The following CD80 variants were observed in gnomAD, a reference collection of about 807,000 sequenced individuals.
CD80 encodes T-lymphocyte activation antigen CD80.
CD80 carries 13 observed loss-of-function variants against 27.1 expected under a neutral mutation model. The observed-to-expected ratio is 0.48, with a 90% CI of 0.31 to 0.76. The LOEUF is 0.76. Ranked by LOEUF, CD80 falls within the 30% of genes least tolerant of loss-of-function variation. The pLI, the probability that CD80 is intolerant of heterozygous loss-of-function variation, is 0.04. For synonymous variants in CD80, 125 were observed against 125.5 expected (o/e 1.00, Z 0.03); for missense variants, 277 against 347.9 (o/e 0.80, Z 1.62).
chr3:119,559,183 A>T (rs1376289852), intron 1 of CD80, among the ~76,000 whole-genome samples: 1 of 152,218 alleles, frequency 6.6e-6, no homozygotes, highest in African/African-American at 2.4e-5. Context: ...TGAGAAATTC[A>T]AATACGGCCC....
chr3:119,530,159 A>G (rs2082102237), intron 4 of CD80, among the ~76,000 whole-genome samples: 2 of 152,242 alleles, frequency 1.3e-5, no homozygotes, highest in Admixed American at 6.5e-5. Flanking sequence ...GATACTTTGA[A>G]TGTCTGCATT....
chr3:119,536,040 A>G (rs1009002862), intron 4 of CD80, among the ~76,000 whole-genome samples: 2 of 152,020 alleles, frequency 1.3e-5, no homozygotes, highest in African/African-American at 4.8e-5. Context: ...TCACGAGGTC[A>G]GGAGTTCGAG....
At chr3:119,526,068 A>G (rs1323506390) in intron 6 of CD80, among the ~76,000 whole-genome samples, 1 of 152,124 alleles carries the variant, frequency 6.6e-6, no homozygotes, top group African/African-American at 2.4e-5. Flanking sequence ...GTCACATGAA[A>G]TATCGATCAG....
At chr3:119,539,434 A>AG (rs57645712) in intron 3 of CD80, among the ~76,000 whole-genome samples, 203 of 152,082 alleles carry the variant, frequency 1.3e-3, no homozygotes, top group African/African-American at 4.5e-3. Context: ...AAAAAAAAAA[A>AG]GTAGTCTTTT....
Position 119,529,869 on chromosome 3 carries a change from T to A in CD80, c.769A>T (p.Ile257Phe). Residue 257 changes from isoleucine (I) to phenylalanine (F), a missense_variant, in exon 5 of 7, where the codon ATT becomes TTT. Ile to Phe is a conservative substitution (Grantham distance 21). Coordinates refer to ENST00000264246, the MANE Select transcript of CD80 (RefSeq NM_005191.4). ...WAITLISVNG[I>F]FVICCLTYCF... ...TAGGTCAGGCAGCATATCACAAAAA[T>A]TCCATTTACTGAGATTAAGGTAATG... 1.2e-6 allele frequency: 2 copies of A among 1,613,276 alleles called. No homozygotes were observed. The highest frequency in any genetic ancestry group is 1.7e-6 in the Non-Finnish European group (2 of 1,179,242).
chr3:119,546,298 T>C (rs1262933955), intron 2 of CD80, among the ~76,000 whole-genome samples: 1 of 152,220 alleles, frequency 6.6e-6, no homozygotes, highest in East Asian at 1.9e-4. Context: ...TGCCCACCTC[T>C]GTCTAGATAG....
At position 119,544,858 on chromosome 3, in the gene CD80, T is replaced by G. The variant is rs62264489; in HGVS notation, c.110A>C (p.His37Pro). 11 of 1,613,668 alleles carry G rather than the reference T, an allele frequency of 6.8e-6. No homozygotes were observed. The highest frequency in any genetic ancestry group is 9.3e-6 in the Non-Finnish European group (11 of 1,179,706). ...GLSHFCSGVI[H>P]VTKEVKEVAT... ...CACTTCTTTCACTTCCTTGGTCACGTGGATAACACCTATGGAGAGGCAAAC... is the reference window on the plus strand; with the variant it reads ...CACTTCTTTCACTTCCTTGGTCACGGGGATAACACCTATGGAGAGGCAAAC... Residue 37 changes from histidine (H) to proline (P), a missense_variant, in exon 3 of 7, where the codon CAC becomes CCC. His to Pro is a moderately conservative substitution (Grantham distance 77). Transcript: ENST00000264246.
chr3:119,543,289 C>T (rs73189808), intron 3 of CD80, among the ~76,000 whole-genome samples: 15,100 of 152,204 alleles, frequency 0.099, 985 homozygotes, highest in Non-Finnish European at 0.14. Context: ...CCTTTCTTTC[C>T]GAGACCAGAA....
intron 6 of CD80, 120 bp downstream of exon 6, chr3:119,527,613 T>C: frequency 1.7e-6 from 1 of 593,812 alleles, no homozygotes; most frequent in Non-Finnish European, 3.0e-6. Context: ...CTGTTCAGCT[T>C]AATCTGAAAG....
chr3:119,547,594 C>T (rs1315990310), intron 2 of CD80, among the ~76,000 whole-genome samples: 1 of 152,156 alleles, frequency 6.6e-6, no homozygotes, highest in Non-Finnish European at 1.5e-5. Flanking sequence ...AGTGAGTACC[C>T]TCACTTTCCT....
chr3:119,548,998 C>T (rs1284623376), intron 2 of CD80, among the ~76,000 whole-genome samples: 1 of 152,158 alleles, frequency 6.6e-6, no homozygotes, highest in Non-Finnish European at 1.5e-5. Context: ...GATCACACCA[C>T]TGCACTCCAG....
Position 119,544,654 on chromosome 3 carries a change from G to A in CD80, c.314C>T (p.Ala105Val). The A allele has an allele frequency of 6.2e-7, 1 of 1,614,148 alleles. No individual in the cohort carries two copies. Among genetic ancestry groups the A allele is most frequent in the South Asian group, 1.1e-5 (1 of 91,082 alleles). Residue 105 changes from alanine to valine, a missense_variant, in exon 3 of 7, where the codon GCT (alanine) becomes GTT (valine). Transcript: ENST00000264246. ...TGTGCCCTCGTCAGATGGGCGCAGA[G>A]CCAGGATCACAATGGAGAGGTTATT... The part of the protein sequence containing the change: ...ITNNLSIVIL[A>V]LRPSDEGTYE...
At chr3:119,528,173 A>T (rs1356062391) in intron 5 of CD80, among the ~76,000 whole-genome samples, 3 of 152,210 alleles carry the variant, frequency 2.0e-5, no homozygotes, top group Non-Finnish European at 2.9e-5. Context: ...AATGTTGAGG[A>T]TGAGAGCCCC....
intron 2 of CD80, among the ~76,000 whole-genome samples, chr3:119,548,894 G>A (rs142449430): frequency 0.013 from 2,024 of 152,148 alleles, 46 homozygotes; most frequent in African/African-American, 0.045. Context: ...AAAATTAGCC[G>A]GGCATGTTGG....
chr3:119,539,166 T>G (rs1402651099), intron 3 of CD80, among the ~76,000 whole-genome samples: 6 of 152,214 alleles, frequency 3.9e-5, no homozygotes, highest in Non-Finnish European at 1.5e-5. Context: ...ATTTTTTAAT[T>G]ATTTTGATAG....
intron 2 of CD80, among the ~76,000 whole-genome samples, chr3:119,546,296 T>G (rs1334730629): frequency 9.2e-5 from 14 of 152,246 alleles, no homozygotes; most frequent in Non-Finnish European, 2.9e-5. Flanking sequence ...GTTGCCCACC[T>G]CTGTCTAGAT....
chr3:119,552,292 T>G (rs2107747525), intron 2 of CD80, among the ~76,000 whole-genome samples: 1 of 151,908 alleles, frequency 6.6e-6, no homozygotes, highest in Non-Finnish European at 1.5e-5. Context: ...TCATCCTGGC[T>G]AATACGGTGA....
chr3:119,542,575 T>C (rs2082175838), intron 3 of CD80, among the ~76,000 whole-genome samples: 1 of 152,186 alleles, frequency 6.6e-6, no homozygotes, highest in South Asian at 2.1e-4. Flanking sequence ...TCCTCTGTTA[T>C]ACTGTAATTA....
chr3:119,534,823 T>C (rs771844248), intron 4 of CD80, among the ~76,000 whole-genome samples: 3 of 152,182 alleles, frequency 2.0e-5, no homozygotes, highest in Non-Finnish European at 2.9e-5. Context: ...GTTTGGAGTA[T>C]CAATAGTCAT....
Sources: gnomAD v4.1 joint callset for allele counts (sites outside exome capture counted in the v4.1 genomes callset) on GRCh38, gnomAD v4.1.1 for gene constraint, MANE v1.5 for transcripts, NCBI Gene and HGNC (gene_info 2026-07-23, HGNC 2026-07-21) for gene names.